NBEA: variants seen among roughly 807,000 people sequenced by gnomAD.
NBEA encodes neurobeachin.
NBEA carries 44 observed loss-of-function variants against 343.4 expected under a neutral mutation model. That is an observed-to-expected ratio of 0.13 (90% CI 0.10 to 0.16). The LOEUF (loss-of-function observed/expected upper bound fraction) is 0.16, where lower values mean the gene tolerates loss of function less well. Ranked by LOEUF, NBEA falls within the 10% of genes least tolerant of loss-of-function variation. The pLI is 1.00. For synonymous variants in NBEA, 1,175 were observed against 1,238.7 expected (o/e 0.95, Z 1.08); for missense variants, 2,555 against 3,631.3 (o/e 0.70, Z 7.62).
chr13:35,474,920 T>C, intron 41 of NBEA: 2 of 1,109,910 alleles, frequency 1.8e-6, no homozygotes, highest in Non-Finnish European at 1.3e-6. Context: ...AGATGATGTT[T>C]AAATATTGTA....
chr13:35,210,237 ATAT>A (rs981548752), intron 32 of NBEA, among the ~76,000 whole-genome samples: 41 of 151,966 alleles, frequency 2.7e-4, no homozygotes, highest in South Asian at 6.2e-4. Context: ...AAAGTATATA[ATAT>A]TATAATGAGA....
intron 42 of NBEA, 29 bp downstream of exon 42, chr13:35,550,623 A>T (rs750970276): frequency 1.8e-5 from 24 of 1,368,626 alleles, no homozygotes; most frequent in Non-Finnish European, 2.4e-5. Context: ...TTGAAAGAAA[A>T]TGTGCTCATA....
At chr13:35,371,398 T>C (rs759558856) in intron 38 of NBEA, among the ~76,000 whole-genome samples, 1 of 152,164 alleles carries the variant, frequency 6.6e-6, no homozygotes, top group East Asian at 1.9e-4. Flanking sequence ...TGGTCTATTG[T>C]TGAAGCTTTC....
intron 38 of NBEA, among the ~76,000 whole-genome samples, chr13:35,415,697 G>T (rs1319942111): frequency 6.6e-6 from 1 of 152,068 alleles, no homozygotes; most frequent in Non-Finnish European, 1.5e-5. Context: ...TTTTGGCTTA[G>T]GATTGACTTG....
intron 38 of NBEA, among the ~76,000 whole-genome samples, chr13:35,369,935 G>A (rs964181822): frequency 1.3e-5 from 2 of 151,930 alleles, no homozygotes; most frequent in African/African-American, 2.4e-5. Flanking sequence ...GACTTATTTT[G>A]TGTCATAACA....
rs1405272882 is a variant in NBEA at position 35,349,227 on chromosome 13, G to A, written c.6012+11G>A. The A allele has an allele frequency of 6.7e-7, 1 of 1,500,212 alleles. No individual in the cohort carries two copies. Among genetic ancestry groups the A allele is most frequent in the Non-Finnish European group, 9.2e-7 (1 of 1,091,756 alleles). The allele number at this position is 1,500,212 out of a possible 1,614,324, so 92.9% of individuals were successfully genotyped here. On this transcript the variant is annotated intron_variant, in intron 37 of 58. Coordinates refer to ENST00000379939, the MANE Select transcript of NBEA (RefSeq NM_001385012.1). ...CATGCAGAGTTTGAGGTAAGGTTTT[G>A]GGAGTAGACTAAATTCTGCCTTTCT...
At chr13:35,415,426 G>A (rs546133500) in intron 38 of NBEA, among the ~76,000 whole-genome samples, 1 of 152,202 alleles carries the variant, frequency 6.6e-6, no homozygotes, top group South Asian at 2.1e-4. Context: ...TGTGAGGAAG[G>A]GATCCAGTTT....
chr13:34,992,262 A>ATATATTTT (rs1459023833), intron 1 of NBEA, among the ~76,000 whole-genome samples: 1 of 114,366 alleles, frequency 8.7e-6, no homozygotes, highest in Admixed American at 8.5e-5. Context: ...ATATATATAT[A>ATATATTTT]TTTTTTTTTT....
intron 1 of NBEA, among the ~76,000 whole-genome samples, chr13:35,034,569 A>G (rs1566190310): frequency 6.6e-6 from 1 of 151,704 alleles, no homozygotes; most frequent in East Asian, 1.9e-4. Flanking sequence ...TTCCTCCTCC[A>G]TTTGGAAGTA....
intron 38 of NBEA, among the ~76,000 whole-genome samples, chr13:35,406,096 A>T (rs972104806): frequency 6.6e-6 from 1 of 152,182 alleles, no homozygotes; most frequent in Non-Finnish European, 1.5e-5. Context: ...ATGCAATTCC[A>T]CATTTGTGGT....
Position 35,177,014 on chromosome 13 carries a change from C to T in NBEA, c.4573C>T (p.Pro1525Ser). Residue 1525 changes from proline (P) to serine (S), a missense_variant, in exon 28 of 59, where the codon CCA becomes TCA. By Grantham distance (74) the Pro-to-Ser change is moderately conservative. Coordinates refer to ENST00000379939, the MANE Select transcript of NBEA (RefSeq NM_001385012.1). ...TTCAAAGACTCCATTGGAAAATGTTCCAGGTAACCTTTCTCCTATTAAGGA... is the reference window on the plus strand; with the variant it reads ...TTCAAAGACTCCATTGGAAAATGTTTCAGGTAACCTTTCTCCTATTAAGGA... ...AASKTPLENV[P>S]GNLSPIKDPD... is the part of the protein sequence containing the mutation. The T allele has an allele frequency of 1.3e-6, 2 of 1,596,480 alleles. No individual in the cohort carries two copies. Among genetic ancestry groups the T allele is most frequent in the South Asian group, 1.1e-5 (1 of 88,674 alleles).
At chr13:35,529,048 T>A (rs1026445241) in intron 41 of NBEA, among the ~76,000 whole-genome samples, 1 of 152,142 alleles carries the variant, frequency 6.6e-6, no homozygotes, top group Non-Finnish European at 1.5e-5. Flanking sequence ...GTAAATAACT[T>A]TGTTAAACAT....
At chr13:35,138,046 A>T (rs1174494759) in intron 17 of NBEA, among the ~76,000 whole-genome samples, 1 of 152,164 alleles carries the variant, frequency 6.6e-6, no homozygotes, top group Non-Finnish European at 1.5e-5. Context: ...AAAAAGATGA[A>T]CACACAGAAG....
At chr13:35,579,228 A>T (rs1271070344) in intron 45 of NBEA, among the ~76,000 whole-genome samples, 3 of 152,128 alleles carry the variant, frequency 2.0e-5, no homozygotes, top group Non-Finnish European at 4.4e-5. Context: ...GAAAATTATA[A>T]TGTAGTTTGG....
At chr13:35,124,579 TATAC>T (rs1246399905) in intron 17 of NBEA, among the ~76,000 whole-genome samples, 2 of 150,196 alleles carry the variant, frequency 1.3e-5, no homozygotes, top group Non-Finnish European at 3.0e-5. Context: ...TGGATATATA[TATAC>T]ATACACATAT....
chr13:35,087,468 C>G (rs889405008), intron 10 of NBEA, among the ~76,000 whole-genome samples: 11 of 151,806 alleles, frequency 7.2e-5, no homozygotes, highest in Admixed American at 5.9e-4. Context: ...GCATGAGCCA[C>G]TATTAACATC....
chr13:35,088,667 A>G (rs2064902308), intron 10 of NBEA, among the ~76,000 whole-genome samples: 1 of 151,970 alleles, frequency 6.6e-6, no homozygotes, highest in Admixed American at 6.6e-5. Flanking sequence ...CTTTTTTTAA[A>G]AAAAATCTAA....
intron 31 of NBEA, among the ~76,000 whole-genome samples, chr13:35,198,358 A>T (rs1378976218): frequency 6.6e-6 from 1 of 152,188 alleles, no homozygotes; most frequent in East Asian, 1.9e-4. Flanking sequence ...TTGGTAAAAT[A>T]CAAACCAATA....
intron 41 of NBEA, among the ~76,000 whole-genome samples, chr13:35,532,462 T>G (rs74044725): frequency 6.6e-5 from 10 of 152,242 alleles, no homozygotes; most frequent in African/African-American, 2.4e-4. Flanking sequence ...GCATTAAATA[T>G]GCTAGTAATA....
Sources: gnomAD v4.1 joint callset for allele counts (sites outside exome capture counted in the v4.1 genomes callset) on GRCh38, gnomAD v4.1.1 for gene constraint, MANE v1.5 for transcripts, NCBI Gene and HGNC (gene_info 2026-07-23, HGNC 2026-07-21) for gene names.